The following REDIC1 variants were observed in gnomAD, a reference collection of about 807,000 sequenced individuals.
REDIC1 encodes the protein HEI10 Interacting Protein 1.
chr12:39,712,199 T>C, the REDIC1 span, among the ~76,000 whole-genome samples: 1 of 12,664 alleles, frequency 7.9e-5, no homozygotes, highest in East Asian at 1.1e-3. Context: ...TGTACATACA[T>C]ATATACATAT....
chr12:39,703,883 C>T, the REDIC1 span, among the ~76,000 whole-genome samples: 280 of 152,246 alleles, frequency 1.8e-3, no homozygotes, highest in African/African-American at 6.0e-3. Flanking sequence ...ATGTAGAAAG[C>T]TGAAACTGGA....
At chr12:39,757,621 C>T in the REDIC1 span, 1 of 151,828 alleles carries the variant, frequency 6.6e-6, no homozygotes, top group East Asian at 1.9e-4. Context: ...ATCTTTAACA[C>T]TATATAAATA....
At chr12:39,804,893 AG>A in the REDIC1 span, among the ~76,000 whole-genome samples, 1 of 150,368 alleles carries the variant, frequency 6.7e-6, no homozygotes, top group Non-Finnish European at 1.5e-5. Context: ...CTGTTTTGAC[AG>A]GGCTCTCAGG....
the REDIC1 span, among the ~76,000 whole-genome samples, chr12:39,634,676 T>TAAA: frequency 2.0e-5 from 3 of 152,098 alleles, no homozygotes; most frequent in Non-Finnish European, 4.4e-5. Context: ...CCTAACACCA[T>TAAA]AAAAACTCTA....
At chr12:39,648,450 C>A in the REDIC1 span, among the ~76,000 whole-genome samples, 8 of 151,730 alleles carry the variant, frequency 5.3e-5, no homozygotes, top group Non-Finnish European at 8.8e-5. Flanking sequence ...TTAAGTTTTT[C>A]AATTAACACT....
the REDIC1 span, among the ~76,000 whole-genome samples, chr12:39,679,211 C>T: frequency 6.6e-6 from 1 of 152,120 alleles, no homozygotes; most frequent in African/African-American, 2.4e-5. Flanking sequence ...AAGAGGAACT[C>T]AAACTGTTGC....
chr12:39,634,246 G>A, the REDIC1 span, among the ~76,000 whole-genome samples: 1 of 152,116 alleles, frequency 6.6e-6, no homozygotes, highest in Non-Finnish European at 1.5e-5. Flanking sequence ...TATTATTGGT[G>A]TATAGGAATG....
At chr12:39,810,001 T>G in the REDIC1 span, among the ~76,000 whole-genome samples, 1 of 152,202 alleles carries the variant, frequency 6.6e-6, no homozygotes, top group African/African-American at 2.4e-5. Flanking sequence ...GCATGATTTA[T>G]AATCCTTTGG....
the REDIC1 span, among the ~76,000 whole-genome samples, chr12:39,723,151 A>G: frequency 1.2e-4 from 18 of 152,120 alleles, no homozygotes; most frequent in Non-Finnish European, 1.8e-4. Context: ...GATGACTGAA[A>G]GCTCCCTGTT....
the REDIC1 span, among the ~76,000 whole-genome samples, chr12:39,767,181 T>C: frequency 6.6e-6 from 1 of 152,064 alleles, no homozygotes. Flanking sequence ...CCTTGATCCA[T>C]GGGCTGCAGA....
chr12:39,772,912 C>T, the REDIC1 span, among the ~76,000 whole-genome samples: 2 of 152,134 alleles, frequency 1.3e-5, no homozygotes, highest in African/African-American at 4.8e-5. Flanking sequence ...ACTGCAGGCA[C>T]TAACTTGGCA....
chr12:39,720,713 T>C, the REDIC1 span: 194 of 1,108,972 alleles, frequency 1.7e-4, 5 homozygotes, highest in South Asian at 2.5e-3. Context: ...TTTAAGAATA[T>C]ATTCTTTGAA....
At chr12:39,818,999 C>T in the REDIC1 span, among the ~76,000 whole-genome samples, 1 of 152,080 alleles carries the variant, frequency 6.6e-6, no homozygotes, top group Non-Finnish European at 1.5e-5. Context: ...GTTAAACGAA[C>T]GAAGATGTTT....
the REDIC1 span, among the ~76,000 whole-genome samples, chr12:39,709,280 A>T: frequency 1.0e-3 from 149 of 147,504 alleles, 1 homozygote; most frequent in South Asian, 9.7e-3. Context: ...GGTACTTTTG[A>T]TGAATCAGTA....
At chr12:39,878,456 A>T in the REDIC1 span, among the ~76,000 whole-genome samples, 1 of 152,192 alleles carries the variant, frequency 6.6e-6, no homozygotes, top group Non-Finnish European at 1.5e-5. Flanking sequence ...ACTTATTGGG[A>T]ACTGTAGCAA....
chr12:39,742,239 T>G, the REDIC1 span, among the ~76,000 whole-genome samples: 1 of 152,180 alleles, frequency 6.6e-6, no homozygotes, highest in Non-Finnish European at 1.5e-5. Flanking sequence ...TCTTCTGATT[T>G]GTGCTAAGCA....
chr12:39,689,934 A>T, the REDIC1 span, among the ~76,000 whole-genome samples: 3 of 152,346 alleles, frequency 2.0e-5, no homozygotes, highest in Non-Finnish European at 2.9e-5. Context: ...TCAAAAAAGA[A>T]AAAAGCCTAT....
the REDIC1 span, among the ~76,000 whole-genome samples, chr12:39,873,803 G>A: frequency 3.3e-5 from 5 of 152,138 alleles, no homozygotes; most frequent in Admixed American, 3.3e-4. Context: ...GCTATACAAA[G>A]TATTTTAGGT....
the REDIC1 span, among the ~76,000 whole-genome samples, chr12:39,876,068 A>G: frequency 6.6e-6 from 1 of 152,216 alleles, no homozygotes; most frequent in Non-Finnish European, 1.5e-5. Flanking sequence ...CTATCAGACA[A>G]ACTATCATCT....
Sources: gnomAD v4.1 joint callset for allele counts (sites outside exome capture counted in the v4.1 genomes callset) on GRCh38, gnomAD v4.1.1 for gene constraint, MANE v1.5 for transcripts, NCBI Gene and HGNC (gene_info 2026-07-23, HGNC 2026-07-21) for gene names.